SMARCAD1: variants seen among roughly 807,000 people sequenced by gnomAD.
SMARCAD1 encodes the protein SWI/SNF-related matrix-associated actin-dependent regulator of chromatin subfamily A containing DEAD/H box 1.
SMARCAD1 carries 25 observed loss-of-function variants against 127.1 expected under a neutral mutation model. The ratio of observed to expected loss-of-function variants is 0.20; its 90% confidence interval spans 0.14 to 0.27. The LOEUF (loss-of-function observed/expected upper bound fraction) is 0.27. Ranked by LOEUF, SMARCAD1 falls within the 10% of genes least tolerant of loss-of-function variation. The probability of loss-of-function intolerance (pLI) is 1.00; values close to 1 mark genes in which losing one functional copy is unlikely to be tolerated. For synonymous variants in SMARCAD1, 400 were observed against 396.9 expected, an observed-to-expected ratio of 1.01 and a Z score of -0.09; for missense variants, 807 against 1,206.0, an observed-to-expected ratio of 0.67 and a Z score of 4.90.
intron 3 of SMARCAD1, among the ~76,000 whole-genome samples, chr4:94,232,570 A>G (rs182028047): frequency 3.4e-4 from 52 of 152,360 alleles, no homozygotes; most frequent in African/African-American, 1.0e-3. Context: ...AAGGACAGGC[A>G]TAGTGATAAA....
intron 2 of SMARCAD1, among the ~76,000 whole-genome samples, chr4:94,220,669 G>T (rs772760489): frequency 2.6e-5 from 4 of 152,088 alleles, no homozygotes; most frequent in Non-Finnish European, 4.4e-5. Flanking sequence ...CCTTTTTCAC[G>T]ATATTGATAT....
At chr4:94,235,874 AGATT>A (rs1268231298) in intron 4 of SMARCAD1, among the ~76,000 whole-genome samples, 1 of 152,132 alleles carries the variant, frequency 6.6e-6, no homozygotes, top group African/African-American at 2.4e-5. Flanking sequence ...TGGAAAAATA[AGATT>A]GATATGCATA....
chr4:94,210,095 T>A (rs1044792674), intron 2 of SMARCAD1, among the ~76,000 whole-genome samples: 2 of 152,254 alleles, frequency 1.3e-5, no homozygotes, highest in African/African-American at 4.8e-5. Context: ...GTGAAATCTT[T>A]AATTTCCTTT....
At chr4:94,230,102 AG>A (rs1209220300) in intron 3 of SMARCAD1, among the ~76,000 whole-genome samples, 2 of 152,076 alleles carry the variant, frequency 1.3e-5, no homozygotes, top group Non-Finnish European at 2.9e-5. Context: ...TATTCCTTTT[AG>A]GGTTTTTCCC....
chr4:94,208,080 G>T lies in SMARCAD1; in HGVS notation c.-50+10G>T. ...GCCTGCGCGTGCTTGGGTAAGAGGA[G>T]GTTGCATGAGGGTCAGCTCGTGGTT... On this transcript the variant is annotated intron_variant, in intron 1 of 23. Transcript: ENST00000354268. The T allele has an allele frequency of 1.9e-6, 1 of 515,816 alleles. No homozygotes were observed. Among genetic ancestry groups the T allele is most frequent in the Non-Finnish European group, 3.7e-6 (1 of 267,972 alleles). 32.0% of individuals were successfully genotyped at this position (515,816 alleles called of 1,614,324 possible). A position where few individuals can be genotyped will look rare whatever the true frequency, so the allele number is the denominator to read the frequency against.
intron 19 of SMARCAD1, 86 bp downstream of exon 19, chr4:94,279,136 C>T: frequency 6.4e-7 from 1 of 1,555,410 alleles, no homozygotes; most frequent in South Asian, 1.1e-5. Flanking sequence ...AATGGGCATA[C>T]TAAACCTTTA....
intron 2 of SMARCAD1, 54 bp from the exon 3 acceptor site, chr4:94,226,065 C>T: frequency 7.1e-7 from 1 of 1,399,134 alleles, no homozygotes; most frequent in Non-Finnish European, 1.0e-6. Flanking sequence ...TAACTAACAA[C>T]AGATTCGTTT....
At chr4:94,238,168 T>A (rs150878933) in intron 5 of SMARCAD1, among the ~76,000 whole-genome samples, 58 of 152,312 alleles carry the variant, frequency 3.8e-4, no homozygotes, top group African/African-American at 1.3e-3. Context: ...ATAAGATTTT[T>A]ATTTTATCCA....
chr4:94,243,623 G>A (rs1008207522), intron 6 of SMARCAD1, among the ~76,000 whole-genome samples: 2 of 152,114 alleles, frequency 1.3e-5, no homozygotes, highest in Non-Finnish European at 2.9e-5. Flanking sequence ...ATTAGAGAAC[G>A]ATTTGAGCAT....
At chr4:94,288,043 A>G (rs1755200199) in intron 23 of SMARCAD1, among the ~76,000 whole-genome samples, 2 of 152,058 alleles carry the variant, frequency 1.3e-5, no homozygotes, top group Admixed American at 6.5e-5. Context: ...TGAAAAATAC[A>G]GCGATTTAAC....
intron 22 of SMARCAD1, among the ~76,000 whole-genome samples, chr4:94,284,647 G>C (rs1275072653): frequency 1.3e-5 from 2 of 148,530 alleles, no homozygotes; most frequent in Non-Finnish European, 3.0e-5. Flanking sequence ...CTGATCGGCT[G>C]ATCTCGAACT....
At chr4:94,282,101 T>TG (rs1754140474) in intron 21 of SMARCAD1, among the ~76,000 whole-genome samples, 1 of 63,730 alleles carries the variant, frequency 1.6e-5, no homozygotes, top group Admixed American at 1.5e-4. Flanking sequence ...CGTTTTTTTG[T>TG]TTTTTTTTTT....
chr4:94,266,740 C>G (rs1751781844), intron 10 of SMARCAD1, among the ~76,000 whole-genome samples: 1 of 152,032 alleles, frequency 6.6e-6, no homozygotes. Flanking sequence ...GCATTTTTCT[C>G]TAAACAGAAC....
At position 94,278,176 on chromosome 4, in the gene SMARCAD1, A is replaced by G. The variant is rs951665984; in HGVS notation, c.2083-246A>G. On this transcript the variant is annotated intron_variant, in intron 16 of 23. Coordinates refer to ENST00000354268, the MANE Select transcript of SMARCAD1 (RefSeq NM_020159.5). ...TGACTTCTGAACACCCATCTGGTAC[A>G]GTTCAAATTGATTACTTCAGTAGAG... Among the ~76,000 whole-genome samples the G allele has an allele frequency of 4.6e-5, 7 of 152,350 alleles. 1 individual carries two copies. Among genetic ancestry groups the G allele is most frequent in the South Asian group, 4.1e-4 (2 of 4,824 alleles).
chr4:94,254,249 G>A (rs1030389306), intron 9 of SMARCAD1, among the ~76,000 whole-genome samples: 2 of 152,056 alleles, frequency 1.3e-5, no homozygotes, highest in Non-Finnish European at 2.9e-5. Flanking sequence ...TTGCCTGAGT[G>A]ATTTATTTGT....
At chr4:94,245,005 A>G (rs1748198738) in intron 6 of SMARCAD1, among the ~76,000 whole-genome samples, 1 of 152,238 alleles carries the variant, frequency 6.6e-6, no homozygotes. Flanking sequence ...AAGAGGTTTA[A>G]CATTGCAATG....
chr4:94,271,231 A>G (rs888111116), intron 11 of SMARCAD1, among the ~76,000 whole-genome samples: 6 of 152,182 alleles, frequency 3.9e-5, no homozygotes, highest in African/African-American at 1.4e-4. Context: ...TAAAATTGTA[A>G]CTTAGATCCC....
At chr4:94,223,598 A>G (rs1301143997) in intron 2 of SMARCAD1, among the ~76,000 whole-genome samples, 1 of 150,512 alleles carries the variant, frequency 6.6e-6, no homozygotes, top group East Asian at 2.0e-4. Flanking sequence ...GACAGAGTTA[A>G]GCTTTTGTTG....
chr4:94,269,890 C>T lies in SMARCAD1; in HGVS notation c.1482-838C>T, dbSNP rs77128337. 4.6e-5 allele frequency among the ~76,000 whole-genome samples: 7 copies of T among 151,878 alleles called. No homozygotes were observed. The East Asian group carries it at 1.4e-3, about 30-fold the overall frequency. ...TTTTGTCAATGTTGCCCAGGCTGGT[C>T]GCGAACTCCTGAGCTCAAGCAATCT... On this transcript the variant is annotated intron_variant, in intron 10 of 23. Transcript: ENST00000354268.
Sources: gnomAD v4.1 joint callset for allele counts (sites outside exome capture counted in the v4.1 genomes callset) on GRCh38, gnomAD v4.1.1 for gene constraint, MANE v1.5 for transcripts, NCBI Gene and HGNC (gene_info 2026-07-23, HGNC 2026-07-21) for gene names.